KLF7: variants seen among roughly 807,000 people sequenced by gnomAD.
KLF7 encodes the protein KLF transcription factor 7.
In KLF7, 2 loss-of-function variants were observed where a neutral mutation model predicts 27.3. The observed-to-expected ratio is 0.07, with a 90% CI of 0.03 to 0.23. KLF7 has a LOEUF of 0.23. Ranked by LOEUF, KLF7 falls within the 10% of genes least tolerant of loss-of-function variation. The probability of loss-of-function intolerance (pLI) is 1.00; values close to 1 mark genes in which losing one functional copy is unlikely to be tolerated. For synonymous variants in KLF7, 165 were observed against 162.4 expected, an observed-to-expected ratio of 1.02 and a Z score of -0.12; for missense variants, 221 against 394.1, an observed-to-expected ratio of 0.56 and a Z score of 3.72.
chr2:207,159,864 G>T (rs1343744190), intron 1 of KLF7, among the ~76,000 whole-genome samples: 1 of 152,118 alleles, frequency 6.6e-6, no homozygotes, highest in Non-Finnish European at 1.5e-5. Flanking sequence ...AGTTCTTAGG[G>T]TCACACCAAA....
At chr2:207,084,353 G>A (rs759847329) in intron 3 of KLF7, among the ~76,000 whole-genome samples, 6 of 152,116 alleles carry the variant, frequency 3.9e-5, no homozygotes, top group Non-Finnish European at 7.3e-5. Flanking sequence ...TAATATATGT[G>A]TTCGGCTTTA....
intron 2 of KLF7, among the ~76,000 whole-genome samples, chr2:207,102,981 T>A (rs892906191): frequency 1.3e-5 from 2 of 152,184 alleles, no homozygotes; most frequent in Non-Finnish European, 2.9e-5. Context: ...CAGGTTGGAG[T>A]GCAGTGGCGT....
intron 1 of KLF7, among the ~76,000 whole-genome samples, chr2:207,163,388 C>T (rs1364223461): frequency 6.6e-6 from 1 of 152,118 alleles, no homozygotes; most frequent in Admixed American, 6.5e-5. Context: ...ACTAGAGCTT[C>T]CCTGAATGGG....
chr2:207,149,877 A>G lies in KLF7; in HGVS notation c.102+15590T>C, dbSNP rs536746820. ...TCTGTCATTCTGACCCCAGTGTGCC[A>G]TAAACTAGGAGGCTTCCATGGACGT... On this transcript the variant is annotated intron_variant, in intron 1 of 3. Transcript: ENST00000309446. Among the ~76,000 whole-genome samples, 313 of 152,330 alleles carry G rather than the reference A, an allele frequency of 2.1e-3. 2 individuals carry two copies. The highest frequency in any genetic ancestry group is 3.3e-3 in the Non-Finnish European group (223 of 68,016).
chr2:207,129,832 A>G (rs150282937), intron 1 of KLF7, among the ~76,000 whole-genome samples: 125 of 152,202 alleles, frequency 8.2e-4, no homozygotes, highest in African/African-American at 2.8e-3. Flanking sequence ...ATCATTATTC[A>G]TTTTTTGTTG....
intron 3 of KLF7, among the ~76,000 whole-genome samples, chr2:207,086,385 TGA>T: frequency 6.6e-6 from 1 of 152,344 alleles, no homozygotes; most frequent in East Asian, 1.9e-4. Flanking sequence ...CTGCCTGTCA[TGA>T]GACACTAATG....
chr2:207,129,797 A>T (rs950187307), intron 1 of KLF7, among the ~76,000 whole-genome samples: 10 of 152,156 alleles, frequency 6.6e-5, no homozygotes, highest in Non-Finnish European at 1.3e-4. Context: ...TTTTTATTTT[A>T]TCCTATGGAT....
chr2:207,117,235 T>C (rs961354875), intron 2 of KLF7, among the ~76,000 whole-genome samples: 7 of 152,240 alleles, frequency 4.6e-5, no homozygotes, highest in Non-Finnish European at 7.3e-5. Flanking sequence ...CCAATATATG[T>C]TTACATTAAT....
intron 2 of KLF7, among the ~76,000 whole-genome samples, chr2:207,123,424 A>C (rs1422025509): frequency 3.3e-5 from 5 of 152,058 alleles, no homozygotes; most frequent in African/African-American, 9.7e-5. Context: ...AGTGTTGATC[A>C]AAACTGTGGA....
intron 1 of KLF7, among the ~76,000 whole-genome samples, chr2:207,146,291 C>T (rs1199057767): frequency 6.6e-6 from 1 of 152,150 alleles, no homozygotes; most frequent in Non-Finnish European, 1.5e-5. Context: ...TTGCAGGTTA[C>T]TTTGGGGGAA....
rs2076217957 is a variant in KLF7, at chr2:207,078,747, G to A, written c.*2466C>T. ...GGAGGCGCTACAGTTTAATACAGCT[G>A]AGGTTCAAGGTCCCTCACACATCCT... On this transcript the variant is annotated 3_prime_UTR_variant, in exon 4 of 4. Transcript: ENST00000309446. 1 of 152,180 alleles carries A rather than the reference G, an allele frequency of 6.6e-6. No individual in the cohort carries two copies. Among genetic ancestry groups the A allele is most frequent in the Non-Finnish European group, 1.5e-5 (1 of 68,028 alleles). 9.4% of individuals were successfully genotyped at this position (152,180 alleles called of 1,614,324 possible).
chr2:207,125,626 G>A (rs1261088580), intron 1 of KLF7, among the ~76,000 whole-genome samples: 1 of 152,278 alleles, frequency 6.6e-6, no homozygotes, highest in Non-Finnish European at 1.5e-5. Flanking sequence ...TCAAAAGACT[G>A]GTTTTTAATC....
intron 3 of KLF7, among the ~76,000 whole-genome samples, chr2:207,087,684 C>T (rs751976019): frequency 2.0e-4 from 30 of 152,262 alleles, no homozygotes; most frequent in African/African-American, 6.3e-4. Flanking sequence ...AAGGATAACA[C>T]GCTCAGATGC....
chr2:207,102,957 C>G (rs985458276), intron 2 of KLF7, among the ~76,000 whole-genome samples: 5 of 152,296 alleles, frequency 3.3e-5, no homozygotes, highest in Non-Finnish European at 1.5e-5. Flanking sequence ...GAGACAGAGT[C>G]TCGCTCTGTC....
intron 2 of KLF7, among the ~76,000 whole-genome samples, chr2:207,093,541 A>G (rs1007948045): frequency 6.6e-6 from 1 of 152,222 alleles, no homozygotes; most frequent in Non-Finnish European, 1.5e-5. Context: ...TCTGTAAAAC[A>G]GCAGATTCTG....
At chr2:207,155,012 C>T (rs2078343770) in intron 1 of KLF7, among the ~76,000 whole-genome samples, 2 of 152,206 alleles carry the variant, frequency 1.3e-5, no homozygotes, top group South Asian at 4.1e-4. Flanking sequence ...GCCCTAATGT[C>T]CCCTACCTAA....
At chr2:207,137,883 T>C (rs1021103262) in intron 1 of KLF7, among the ~76,000 whole-genome samples, 7 of 152,160 alleles carry the variant, frequency 4.6e-5, no homozygotes, top group African/African-American at 1.4e-4. Context: ...TGATGTTCCA[T>C]CATGTAAAGA....
At chr2:207,129,254 G>A (rs1460991504) in intron 1 of KLF7, among the ~76,000 whole-genome samples, 1 of 152,136 alleles carries the variant, frequency 6.6e-6, no homozygotes. Context: ...ACTCCAAATC[G>A]GAGTCAGCGA....
intron 1 of KLF7, among the ~76,000 whole-genome samples, chr2:207,157,219 T>TAAAAAAAAAAAAAAAAAAAAAAAAAG (rs5838052): frequency 2.3e-5 from 2 of 87,314 alleles, no homozygotes; most frequent in Admixed American, 1.3e-4. Flanking sequence ...AACAGAAAAG[T>TAAAAAAAAAAAAAAAAAAAAAAAAAG]AAAAAAAAAA....
Sources: allele counts gnomAD v4.1 joint callset (sites outside exome capture counted in the v4.1 genomes callset), GRCh38; gene constraint gnomAD v4.1.1; transcripts MANE v1.5; gene names NCBI Gene and HGNC (gene_info 2026-07-23, HGNC 2026-07-21).